Variants in CELSR3 observed in about 807,000 individuals in gnomAD.
CELSR3 encodes EGF-like protein 1.
CELSR3 carries 73 observed loss-of-function variants against 270.0 expected under a neutral mutation model. The ratio of observed to expected loss-of-function variants is 0.27; its 90% CI spans 0.22 to 0.33. CELSR3 has a LOEUF of 0.33. Ranked by LOEUF, CELSR3 falls within the 10% of genes least tolerant of loss-of-function variation. CELSR3 has a pLI of 1.00. For synonymous variants in CELSR3, 1,780 were observed against 1,905.4 expected (o/e 0.93, Z 1.71); for missense variants, 3,614 against 4,533.8 (o/e 0.80, Z 5.83).
chr3:48,646,734 G>T lies in CELSR3; in HGVS notation c.7295+29C>A. On this transcript the variant is annotated intron_variant, in intron 21 of 34. Transcript: ENST00000164024. The surrounding 1 kb of genome is among the most constrained non-coding windows in gnomAD (Gnocchi z 4.8). ...GGGCTGCCAGGCTGAGAAGTTCGTA[G>T]GAAGCTCAGGGGTGAGGGGCCTGAG... The T allele has an allele frequency of 6.3e-7, 1 of 1,589,498 alleles. No individual in the cohort carries two copies. The highest frequency in any genetic ancestry group is 8.5e-7 in the Non-Finnish European group (1 of 1,172,074).
At position 48,646,898 on chromosome 3, in the gene CELSR3, G is replaced by A; in HGVS notation, c.7160C>T (p.Ser2387Phe). The A allele has an allele frequency of 6.4e-7, 1 of 1,566,426 alleles. No individual in the cohort carries two copies. Among genetic ancestry groups the A allele is most frequent in the Non-Finnish European group, 8.6e-7 (1 of 1,161,374 alleles). Residue 2387 changes from serine to phenylalanine, a missense_variant, in exon 21 of 35, where the codon TCC (serine) becomes TTC (phenylalanine). This residue lies in a region of CELSR3 where 1,240 missense variants were observed against 1,351.7 expected (regional missense o/e 0.92). Coordinates refer to ENST00000164024, the MANE Select transcript of CELSR3 (RefSeq NM_001407.3). This position sits in a 1 kb window ranked among gnomAD's most constrained non-coding sequence, Gnocchi z 4.8. ...VLPTSSSIEN[S>F]TTSSVVPPPA... is the part of the protein sequence containing the mutation. ...TGGGGGGACCACACTTGAGGTGGTG[G>A]AGTTTTCTATGCTGCTGCTTGTGGG...
At position 48,639,625 on chromosome 3, in the gene CELSR3, G is replaced by T. The variant is rs760937695; in HGVS notation, c.9911+49C>A. ...GAACACAGGGCAGGGCACACAGGAG[G>T]TTGCCCTAAGCTGATGAGGGTGCAA... On this transcript the variant is annotated intron_variant, in intron 34 of 34. Coordinates refer to ENST00000164024, the MANE Select transcript of CELSR3 (RefSeq NM_001407.3). This position sits in a 1 kb window ranked among gnomAD's most constrained non-coding sequence, Gnocchi z 4.1. The T allele has an allele frequency of 3.1e-6, 5 of 1,594,608 alleles. No individual in the cohort carries two copies. In the African/African-American group the frequency reaches 5.4e-5, roughly 17 times the overall value.
intron 20 of CELSR3, among the ~76,000 whole-genome samples, chr3:48,647,161 G>A (rs1392564841): frequency 1.1e-5 from 1 of 91,248 alleles, no homozygotes; most frequent in African/African-American, 4.7e-5. Flanking sequence ...GAGGGGAGAT[G>A]TGGGAGGGAG....
rs980833080 is a variant in CELSR3 at position 48,639,485 on chromosome 3, G to C, written c.9911+189C>G. ...CCAGTCACACAGCCAGCAAGTCCCTGCTAGTCACACCCCCATTTCTTGCCA... is the reference window on the plus strand; with the variant it reads ...CCAGTCACACAGCCAGCAAGTCCCTCCTAGTCACACCCCCATTTCTTGCCA... On this transcript the variant is annotated intron_variant, in intron 34 of 34. Coordinates refer to ENST00000164024, the MANE Select transcript of CELSR3 (RefSeq NM_001407.3). The surrounding 1 kb of genome is among the most constrained non-coding windows in gnomAD (Gnocchi z 4.1). Among the ~76,000 whole-genome samples, 1 of 152,182 alleles carries C rather than the reference G, an allele frequency of 6.6e-6. No homozygotes were observed. Among genetic ancestry groups the C allele is most frequent in the Non-Finnish European group, 1.5e-5 (1 of 68,028 alleles).
rs1575544554 is a variant in CELSR3 at position 48,655,983 on chromosome 3, G to C, written c.4626-132C>G. ...GACGAGGGACGGCGGGACCGACCGG[G>C]GGGACGCGGGTGCAGCGAGGTCAGG... On this transcript the variant is annotated intron_variant, in intron 3 of 34. Transcript: ENST00000164024. This position sits in a 1 kb window ranked among gnomAD's most constrained non-coding sequence, Gnocchi z 5.8. The C allele has an allele frequency of 8.1e-6, 9 of 1,115,324 alleles. No homozygotes were observed. The highest frequency in any genetic ancestry group is 1.2e-5 in the Non-Finnish European group (9 of 769,408). 69.1% of individuals were successfully genotyped at this position (1,115,324 alleles called of 1,614,324 possible). A position where few individuals can be genotyped will look rare whatever the true frequency, so the allele number is the denominator to read the frequency against.
In CELSR3 at chr3:48,643,694, G is replaced by A. The variant is rs1457631976; in HGVS notation, c.8166-17C>T. The A allele has an allele frequency of 6.4e-7, 1 of 1,551,666 alleles. No homozygotes were observed. Among genetic ancestry groups the A allele is most frequent in the East Asian group, 2.4e-5 (1 of 41,084 alleles). ...CGAAGGGTCCTGCTGTGGGGACATG[G>A]GAAGACACAGGAGGACATGCAAGGC... On this transcript the variant is annotated splice_polypyrimidine_tract_variant and intron_variant, in intron 27 of 34. Coordinates refer to ENST00000164024, the MANE Select transcript of CELSR3 (RefSeq NM_001407.3).
In CELSR3 at chr3:48,650,948, C is replaced by A. The variant is rs571439600; in HGVS notation, c.6314G>T (p.Arg2105Leu). Residue 2105 changes from arginine (R) to leucine (L), a missense_variant, in exon 15 of 35, where the codon CGC (arginine) becomes CTC (leucine). By Grantham distance (102) the Arg-to-Leu change is moderately radical. This residue lies in a region of CELSR3 where 1,331 missense variants were observed against 1,933.7 expected (regional missense o/e 0.69). Coordinates refer to ENST00000164024, the MANE Select transcript of CELSR3 (RefSeq NM_001407.3). This position sits in a 1 kb window ranked among gnomAD's most constrained non-coding sequence, Gnocchi z 5.1. ...GGGACTGTCACAGCTGTTGCACTGG[C>A]GGCCAAGGGCTCCTGGGCGACAGGG... is the stretch of plus-strand genomic sequence containing the variant. ...QCPCRPGALG[R>L]QCNSCDSPFA... 1 of 1,611,674 alleles carries A rather than the reference C, an allele frequency of 6.2e-7. No homozygotes were observed. The highest frequency in any genetic ancestry group is 1.3e-5 in the African/African-American group (1 of 75,008).
At chr3:48,649,252 G>A in intron 16 of CELSR3, 37 bp from the exon 17 acceptor site, 1 of 1,535,774 alleles carries the variant, frequency 6.5e-7, no homozygotes, top group African/African-American at 1.4e-5. Flanking sequence ...CCTGGGGCCT[G>A]GATACCTTTG....
rs2047019842 is a variant in CELSR3, at chr3:48,640,869, G to A, written c.9026-310C>T. On this transcript the variant is annotated intron_variant, in intron 33 of 34. Transcript: ENST00000164024. This position sits in a 1 kb window ranked among gnomAD's most constrained non-coding sequence, Gnocchi z 7.5. ...GGGGCAGCCCTCAGGTCCTGACAATGCAGGCCTGGCTGAAATGCAGGAACC... is the reference window on the plus strand; with the variant it reads ...GGGGCAGCCCTCAGGTCCTGACAATACAGGCCTGGCTGAAATGCAGGAACC... The A allele has an allele frequency of 1.5e-5, 7 of 475,050 alleles. No individual in the cohort carries two copies. The highest frequency in any genetic ancestry group is 3.3e-5 in the South Asian group (1 of 30,264). 29.4% of individuals were successfully genotyped at this position (475,050 alleles called of 1,614,324 possible).
chr3:48,656,256 C>G lies in CELSR3; in HGVS notation c.4509G>C (p.Pro1503=). ...GCGGGCCCTCGAAGGCGCCGCCTGC[C>G]GGGCACTGGCAGCGAAAGCCGCCGT... The part of the protein sequence containing the change: ...APNGGFRCQC[P]AGGAFEGPRC... The change falls in exon 3 of 35, where the codon CCG becomes CCC. Residue 1503 remains proline, a synonymous_variant. Transcript: ENST00000164024. 9 of 1,533,476 alleles carry G rather than the reference C, an allele frequency of 5.9e-6. No homozygotes were observed. Among genetic ancestry groups the G allele is most frequent in the Non-Finnish European group, 7.9e-6 (9 of 1,145,600 alleles). 95.0% of individuals were successfully genotyped at this position (1,533,476 alleles called of 1,614,324 possible). A position where few individuals can be genotyped will look rare whatever the true frequency, so the allele number is the denominator to read the frequency against.
In CELSR3 at chr3:48,655,502, TC is replaced by T; in HGVS notation, c.4742-109del. On this transcript the variant is annotated intron_variant, in intron 4 of 34. Coordinates refer to ENST00000164024, the MANE Select transcript of CELSR3 (RefSeq NM_001407.3). The surrounding 1 kb of genome is among the most constrained non-coding windows in gnomAD (Gnocchi z 5.8). ...GGCCACCCTGGATGCATCAGATCAG[TC>T]CCCCCACTGGTGACCACAATGGCTG... The T allele has an allele frequency of 3.5e-6, 4 of 1,138,126 alleles. No individual in the cohort carries two copies. Among genetic ancestry groups the T allele is most frequent in the Middle Eastern group, 2.0e-4 (1 of 5,030 alleles). 70.5% of individuals were successfully genotyped at this position (1,138,126 alleles called of 1,614,324 possible). A position where few individuals can be genotyped will look rare whatever the true frequency, so the allele number is the denominator to read the frequency against.
rs1052375671 is a variant in CELSR3, at chr3:48,658,626, C to T, written c.3748+261G>A. Among the ~76,000 whole-genome samples the T allele has an allele frequency of 6.6e-6, 1 of 152,106 alleles. No individual in the cohort carries two copies. The highest frequency in any genetic ancestry group is 1.5e-5 in the Non-Finnish European group (1 of 68,020). ...ACCTTTTATCAGGAGGGGAGATATC[C>T]CTAGGTAGCAGACAGTTCTTTACAG... On this transcript the variant is annotated intron_variant, in intron 1 of 34. Coordinates refer to ENST00000164024, the MANE Select transcript of CELSR3 (RefSeq NM_001407.3). The surrounding 1 kb of genome is among the most constrained non-coding windows in gnomAD (Gnocchi z 4.7).
chr3:48,661,783 G>T lies in CELSR3; in HGVS notation c.852C>A (p.Cys284Ter). ...GCCCGGGGCGCTGCGGGAGGAAGCG[G>T]CAGCGGAAGAGACCCCGGGAGCGCA... is the stretch of plus-strand genomic sequence containing the variant. The part of the protein sequence containing the change: ...KRMRSRGLFR[C>*]RFLPQRPGPR... Residue 284 changes from cysteine to a stop codon, truncating the protein, a stop_gained, in exon 1 of 35, where the codon TGC becomes TGA. Transcript: ENST00000164024. LOFTEE classifies it high-confidence loss of function. 1 of 1,603,398 alleles carries T rather than the reference G, an allele frequency of 6.2e-7. No homozygotes were observed.
rs112897038 is a variant in CELSR3, at chr3:48,642,250, G to A, written c.8665+108C>T. 2.5e-5 allele frequency: 31 copies of A among 1,220,264 alleles called. 1 individual carries two copies. The African/African-American group carries it at 2.7e-4, about 11-fold the overall frequency. The allele number at this position is 1,220,264 out of a possible 1,614,324, so 75.6% of individuals were successfully genotyped here. ...GCCTCCTGAGGCAGGGACCCTGGGG[G>A]AGATCGTCCCACCCCAGTCAGCCAC... On this transcript the variant is annotated intron_variant, in intron 31 of 34. Coordinates refer to ENST00000164024, the MANE Select transcript of CELSR3 (RefSeq NM_001407.3). This position sits in a 1 kb window ranked among gnomAD's most constrained non-coding sequence, Gnocchi z 6.1.
intron 16 of CELSR3, among the ~76,000 whole-genome samples, chr3:48,649,636 C>T (rs2047119318): frequency 6.6e-6 from 1 of 152,176 alleles, no homozygotes; most frequent in Admixed American, 6.5e-5. Context: ...TAGGAACATC[C>T]AGTGAAAGTC....
In CELSR3 at chr3:48,650,485, G is replaced by A; in HGVS notation, c.6467C>T (p.Ala2156Val). 1.9e-6 allele frequency: 3 copies of A among 1,596,180 alleles called. No homozygotes were observed. Among genetic ancestry groups the A allele is most frequent in the Non-Finnish European group, 2.6e-6 (3 of 1,170,590 alleles). ...VLATVPCPRGALGAAVRLCDE... is the reference protein window; with the variant it reads ...VLATVPCPRGVLGAAVRLCDE... Reference sequence around the variant, plus strand: ...CTTTCCCCCCACATACTCACCCAGGGCCCCCCGGGGACAGGGCACTGTGGC... The same window carrying A: ...CTTTCCCCCCACATACTCACCCAGGACCCCCCGGGGACAGGGCACTGTGGC... The change falls in exon 16 of 35, where the codon GCC becomes GTC. Residue 2156 changes from alanine (A) to valine (V), a missense_variant. Ala to Val is a moderately conservative substitution (Grantham distance 64). Around this residue, in one of 7 missense-constraint regions of CELSR3, gnomAD observed 1,331 missense variants for 1,933.7 expected, o/e 0.69. Coordinates refer to ENST00000164024, the MANE Select transcript of CELSR3 (RefSeq NM_001407.3). This position sits in a 1 kb window ranked among gnomAD's most constrained non-coding sequence, Gnocchi z 5.1.
Position 48,652,656 on chromosome 3 carries a change from C to T in CELSR3, c.5635-103G>A, listed in dbSNP as rs1266198861. The T allele has an allele frequency of 1.1e-6, 1 of 872,354 alleles. No homozygotes were observed. Among genetic ancestry groups the T allele is most frequent in the South Asian group, 1.7e-5 (1 of 58,326 alleles). The allele number at this position is 872,354 out of a possible 1,614,324, so 54.0% of individuals were successfully genotyped here. ...CTTCTTCTAGCCCTTCTAGGCTGCC[C>T]CCTCCCTCCTGGACCCACAGTAGAC... is the stretch of plus-strand genomic sequence containing the variant. On this transcript the variant is annotated intron_variant, in intron 10 of 34. Coordinates refer to ENST00000164024, the MANE Select transcript of CELSR3 (RefSeq NM_001407.3). The surrounding 1 kb of genome is among the most constrained non-coding windows in gnomAD (Gnocchi z 4.3).
In CELSR3 at chr3:48,642,943, C is replaced by T. The variant is rs904344718; in HGVS notation, c.8406+24G>A. 1 of 1,609,990 alleles carries T rather than the reference C, an allele frequency of 6.2e-7. No homozygotes were observed. On this transcript the variant is annotated intron_variant, in intron 29 of 34. Transcript: ENST00000164024. The surrounding 1 kb of genome is among the most constrained non-coding windows in gnomAD (Gnocchi z 6.1). ...CTGAAGCAGCCTAAAACTCTGGCTTCTCAGGGCCCCCATCCCGACTCACCA... is the reference window on the plus strand; with the variant it reads ...CTGAAGCAGCCTAAAACTCTGGCTTTTCAGGGCCCCCATCCCGACTCACCA...
At position 48,656,959 on chromosome 3, in the gene CELSR3, G is replaced by T; in HGVS notation, c.4138C>A (p.Leu1380Met). 6.2e-7 allele frequency: 1 copy of T among 1,612,978 alleles called. No homozygotes were observed. The highest frequency in any genetic ancestry group is 1.3e-5 in the African/African-American group (1 of 75,042). The change falls in exon 2 of 35, where the codon CTG becomes ATG. Residue 1380 changes from leucine to methionine, a missense_variant. This residue lies in a region of CELSR3 where 1,331 missense variants were observed against 1,933.7 expected (regional missense o/e 0.69). Transcript: ENST00000164024. ...ATGTAGTTCTCACAGGGCTCTCGCA[G>T]GCACACGTTGTCGTCGAAGGGCAGT... Reference protein sequence around the residue: ...DVLPFDDNVCLREPCENYMKC... With the variant: ...DVLPFDDNVCMREPCENYMKC...
Sources: gnomAD v4.1 joint callset for allele counts (sites outside exome capture counted in the v4.1 genomes callset) on GRCh38, gnomAD v4.1.1 for gene constraint, gnomAD v4.1.1 regional missense constraint, Gnocchi (gnomAD v3.1) non-coding constraint, MANE v1.5 for transcripts, NCBI Gene and HGNC (gene_info 2026-07-23, HGNC 2026-07-21) for gene names.